The following ANXA2 variants were observed in gnomAD, a reference collection of about 807,000 sequenced individuals.
ANXA2 encodes annexin II.
ANXA2 carries 28 observed loss-of-function variants against 47.3 expected under a neutral mutation model. The ratio of observed to expected loss-of-function variants is 0.59; its 90% confidence interval spans 0.44 to 0.81. The LOEUF (loss-of-function observed/expected upper bound fraction) is 0.81, where lower values mean the gene tolerates loss of function less well. Ranked by LOEUF, ANXA2 falls within the 40% of genes least tolerant of loss-of-function variation. The pLI, the probability that ANXA2 is intolerant of heterozygous loss-of-function variation, is 0.00. For synonymous variants in ANXA2, 172 were observed against 155.5 expected (o/e 1.11, Z -0.79); for missense variants, 384 against 414.3 (o/e 0.93, Z 0.64).
At position 60,347,611 on chromosome 15, in the gene ANXA2, G is replaced by T; in HGVS notation, c.*19C>A. The T allele has an allele frequency of 3.7e-6, 6 of 1,613,708 alleles. No individual in the cohort carries two copies. Among genetic ancestry groups the T allele is most frequent in the Non-Finnish European group, 5.1e-6 (6 of 1,179,674 alleles). On this transcript the variant is annotated 3_prime_UTR_variant, in exon 13 of 13. Coordinates refer to ENST00000451270, the MANE Select transcript of ANXA2 (RefSeq NM_004039.3). ...AGCATGGTGAGCACCATTTCTGGAC[G>T]CTCAGGCCGTGTCGGGCTTCAGTCA...
intron 1 of ANXA2, chr15:60,391,271 A>G (rs1339975672): frequency 6.6e-6 from 1 of 152,306 alleles, no homozygotes; most frequent in East Asian, 1.9e-4. Flanking sequence ...CAAGTGATTA[A>G]GACACAGAGA....
intron 3 of ANXA2, among the ~76,000 whole-genome samples, chr15:60,371,889 C>T (rs968589536): frequency 5.3e-5 from 8 of 152,166 alleles, no homozygotes; most frequent in African/African-American, 1.7e-4. Flanking sequence ...CGGTGGCTCA[C>T]GCCTATAATC....
Position 60,397,931 on chromosome 15 carries a change from C to T in ANXA2, c.-12+12G>A, listed in dbSNP as rs2063104866. 1.5e-6 allele frequency: 2 copies of T among 1,321,290 alleles called. No individual in the cohort carries two copies. Among genetic ancestry groups the T allele is most frequent in the Non-Finnish European group, 1.9e-6 (2 of 1,034,732 alleles). 81.8% of individuals were successfully genotyped at this position (1,321,290 alleles called of 1,614,324 possible). ...CGGCCCATCGCGGGCGGGCAGGGCG[C>T]GCCCCGCTTACCTGGGCCGTGCGCC... On this transcript the variant is annotated intron_variant, in intron 1 of 12. Transcript: ENST00000451270.
At chr15:60,354,020 G>T in intron 8 of ANXA2, 134 bp downstream of exon 8, 1 of 645,706 alleles carries the variant, frequency 1.5e-6, no homozygotes, top group South Asian at 2.6e-5. Flanking sequence ...CACAGAAACT[G>T]AGAAATAATA....
chr15:60,368,420 A>G (rs951713060), intron 3 of ANXA2, among the ~76,000 whole-genome samples: 2 of 152,162 alleles, frequency 1.3e-5, no homozygotes, highest in Non-Finnish European at 2.9e-5. Context: ...ATTGAAAAGT[A>G]AAGTAGAAAA....
In ANXA2 at chr15:60,393,446, G is replaced by GA. The variant is rs568930767; in HGVS notation, c.-12+4496dup. The GA allele has an allele frequency of 1.8e-4, 180 of 1,004,528 alleles. 2 individuals are homozygous for GA. In the South Asian group the frequency reaches 5.3e-3, roughly 30 times the overall value. 62.2% of individuals were successfully genotyped at this position (1,004,528 alleles called of 1,614,324 possible). ...TTTCAACAGGGCCTGGCCGCCTACA[G>GA]AAAAAAGTCTAATGTCAGCATTCAA... On this transcript the variant is annotated intron_variant, in intron 1 of 12. Transcript: ENST00000451270.
intron 10 of ANXA2, 76 bp downstream of exon 10, chr15:60,351,648 G>A (rs768848740): frequency 1.2e-5 from 11 of 936,822 alleles, no homozygotes; most frequent in Non-Finnish European, 1.8e-5. Context: ...AACACATTTG[G>A]ATTAACAGGA....
At chr15:60,351,095 C>T (rs754647150) in intron 11 of ANXA2, 98 bp downstream of exon 11, 5 of 1,265,350 alleles carry the variant, frequency 4.0e-6, no homozygotes, top group Non-Finnish European at 5.7e-6. Context: ...ACAGTGGGGT[C>T]CCCTTCCTCC....
chr15:60,386,890 T>C (rs2062940561), intron 1 of ANXA2: 1 of 152,150 alleles, frequency 6.6e-6, no homozygotes, highest in African/African-American at 2.4e-5. Flanking sequence ...GTCATCAACA[T>C]AATCACCCCA....
intron 3 of ANXA2, among the ~76,000 whole-genome samples, chr15:60,381,973 C>T (rs939794832): frequency 2.3e-5 from 3 of 133,136 alleles, no homozygotes; most frequent in Non-Finnish European, 4.6e-5. Flanking sequence ...CTATCTCATG[C>T]TGTACATCTC....
intron 3 of ANXA2, 130 bp from the exon 4 acceptor site, chr15:60,364,653 C>G: frequency 1.6e-6 from 1 of 627,120 alleles, no homozygotes; most frequent in Non-Finnish European, 2.7e-6. Flanking sequence ...ACCCAGACAC[C>G]AAGATTTGTT....
At chr15:60,364,634 A>G in intron 3 of ANXA2, 111 bp from the exon 4 acceptor site, 1 of 711,944 alleles carries the variant, frequency 1.4e-6, no homozygotes, top group Non-Finnish European at 2.3e-6. Flanking sequence ...CTGTTTTCCA[A>G]ACTGAAATAC....
intron 3 of ANXA2, 86 bp downstream of exon 3, chr15:60,382,256 C>T (rs779302101): frequency 1.6e-5 from 16 of 1,016,392 alleles, no homozygotes; most frequent in Middle Eastern, 2.1e-4. Flanking sequence ...AAATCGCCAA[C>T]GTATGGCGAT....
chr15:60,349,858 G>A (rs1429762834), intron 11 of ANXA2, among the ~76,000 whole-genome samples: 2 of 121,980 alleles, frequency 1.6e-5, no homozygotes, highest in Non-Finnish European at 3.5e-5. Flanking sequence ...GGAGGTGAAG[G>A]CAGGGAGGCA....
chr15:60,362,588 C>G (rs955276179), intron 4 of ANXA2: 9 of 152,220 alleles, frequency 5.9e-5, no homozygotes, highest in African/African-American at 2.2e-4. Flanking sequence ...GCCCGTATCC[C>G]TAAAGAACTC....
At chr15:60,364,597 A>G in intron 3 of ANXA2, 74 bp from the exon 4 acceptor site, 1 of 1,160,386 alleles carries the variant, frequency 8.6e-7, no homozygotes, top group East Asian at 2.5e-5. Flanking sequence ...GGTGTCAAGC[A>G]GACTTTTTCA....
At position 60,351,686 on chromosome 15, in the gene ANXA2, G is replaced by A. The variant is rs761751271; in HGVS notation, c.778+38C>T. On this transcript the variant is annotated intron_variant, in intron 10 of 12. Transcript: ENST00000451270. Reference sequence around the variant, plus strand: ...GCCATCTGTCACTTCTGCTCTGGTAGCTGATGTCTACCAGGAATGGGGGCC... The same window carrying A: ...GCCATCTGTCACTTCTGCTCTGGTAACTGATGTCTACCAGGAATGGGGGCC... The A allele has an allele frequency of 5.9e-6, 8 of 1,350,910 alleles. No individual in the cohort carries two copies. The East Asian group carries it at 1.6e-4, about 27-fold the overall frequency. 83.7% of individuals were successfully genotyped at this position (1,350,910 alleles called of 1,614,324 possible).
intron 3 of ANXA2, among the ~76,000 whole-genome samples, chr15:60,372,024 G>A (rs965205847): frequency 5.3e-5 from 8 of 152,092 alleles, no homozygotes; most frequent in East Asian, 3.9e-4. Flanking sequence ...TGGCACATGC[G>A]TGTAATCCCA....
chr15:60,360,839 G>A, intron 5 of ANXA2, 102 bp downstream of exon 5: 1 of 747,714 alleles, frequency 1.3e-6, no homozygotes. Flanking sequence ...GGTTCCAAAT[G>A]AGAATTCAAC....
Sources: allele counts gnomAD v4.1 joint callset (sites outside exome capture counted in the v4.1 genomes callset), GRCh38; gene constraint gnomAD v4.1.1; transcripts MANE v1.5; gene names NCBI Gene and HGNC (gene_info 2026-07-23, HGNC 2026-07-21).